SLC35F4: variants seen among roughly 807,000 people sequenced by gnomAD.
The protein encoded by SLC35F4 is chromosome 14 open reading frame 36.
A neutral mutation model predicts 44.2 loss-of-function variants in SLC35F4; 24 were observed. That is an observed-to-expected ratio of 0.54 (90% CI 0.39 to 0.76). SLC35F4 has a LOEUF of 0.76. Among genes scored for constraint, SLC35F4 ranks in the 30% least tolerant of loss-of-function variants. The pLI is 0.00. For missense variants in SLC35F4, 562 were observed against 586.1 expected (o/e 0.96, Z 0.42); for synonymous variants, 238 against 223.6 (o/e 1.06, Z -0.57).
intron 1 of SLC35F4, among the ~76,000 whole-genome samples, chr14:57,845,130 A>G (rs530203705): frequency 6.6e-6 from 1 of 152,336 alleles, no homozygotes; most frequent in South Asian, 2.1e-4. Flanking sequence ...GTGAAAGTTT[A>G]TTACCATCCT....
chr14:57,982,674 A>C (rs1368706065), upstream of SLC35F4, among the ~76,000 whole-genome samples: 18 of 152,106 alleles, frequency 1.2e-4, no homozygotes, highest in Non-Finnish European at 4.4e-5. Context: ...GGGGTCGTTA[A>C]ATCTCACAGC....
intron 1 of SLC35F4, among the ~76,000 whole-genome samples, chr14:57,814,346 C>G (rs777605778): frequency 6.6e-6 from 1 of 152,192 alleles, no homozygotes; most frequent in Non-Finnish European, 1.5e-5. Flanking sequence ...TTTCTCTGCT[C>G]TAAGTTTAAG....
intron 1 of SLC35F4, among the ~76,000 whole-genome samples, chr14:57,823,951 C>T (rs1246290240): frequency 6.6e-6 from 1 of 152,036 alleles, no homozygotes; most frequent in Non-Finnish European, 1.5e-5. Context: ...TAAGATTTGT[C>T]TCTACCTTGT....
intron 1 of SLC35F4, among the ~76,000 whole-genome samples, chr14:57,693,572 C>T (rs2075294820): frequency 6.6e-6 from 1 of 152,190 alleles, no homozygotes; most frequent in Non-Finnish European, 1.5e-5. Flanking sequence ...CCCTTTGTTT[C>T]CTGTAAGGAA....
At chr14:57,656,879 G>T (rs1314865299) in intron 1 of SLC35F4, among the ~76,000 whole-genome samples, 1 of 152,000 alleles carries the variant, frequency 6.6e-6, no homozygotes. Flanking sequence ...GTGATATTCT[G>T]AGTGTAAATA....
chr14:57,947,968 G>C (rs1030328870), intron 1 of SLC35F4, among the ~76,000 whole-genome samples: 1 of 152,110 alleles, frequency 6.6e-6, no homozygotes, highest in Non-Finnish European at 1.5e-5. Flanking sequence ...GTTCATCAGA[G>C]GTATTGGTCT....
At chr14:57,587,559 G>A (rs1374565596) in intron 3 of SLC35F4, among the ~76,000 whole-genome samples, 1 of 152,180 alleles carries the variant, frequency 6.6e-6, no homozygotes, top group African/African-American at 2.4e-5. Context: ...TCATTAGTGG[G>A]AGTTGAACAA....
At chr14:57,952,808 T>A (rs1404244506) in intron 1 of SLC35F4, among the ~76,000 whole-genome samples, 1 of 151,992 alleles carries the variant, frequency 6.6e-6, no homozygotes, top group Admixed American at 6.6e-5. Context: ...AAATCAACGT[T>A]TGATTAGTGC....
chr14:57,940,370 C>T (rs779389136), intron 1 of SLC35F4, among the ~76,000 whole-genome samples: 3 of 152,062 alleles, frequency 2.0e-5, no homozygotes, highest in Non-Finnish European at 4.4e-5. Context: ...AAAAACAATC[C>T]TAAAAAATAG....
Position 57,730,250 on chromosome 14 carries a change from T to C in SLC35F4, c.103+135473A>G, listed in dbSNP as rs147096597. On this transcript the variant is annotated intron_variant, in intron 1 of 7. Transcript: ENST00000556826. ...TGCAGATAGTTGTTAAAATTTGGTG[T>C]TCCCGCAGGGGACAGGAAGTATGTA... Among the ~76,000 whole-genome samples, 303 of 152,286 alleles carry C rather than the reference T, an allele frequency of 2.0e-3. 3 individuals carry two copies. Among genetic ancestry groups the C allele is most frequent in the African/African-American group, 7.1e-3 (294 of 41,568 alleles).
At chr14:57,723,155 A>C (rs1184592977) in intron 1 of SLC35F4, among the ~76,000 whole-genome samples, 3 of 152,134 alleles carry the variant, frequency 2.0e-5, no homozygotes, top group Non-Finnish European at 2.9e-5. Flanking sequence ...TCAGGTAATT[A>C]ATGGAGTTTT....
At chr14:57,976,476 T>A (rs1480781165), downstream of SLC35F4, among the ~76,000 whole-genome samples, 1 of 152,188 alleles carries the variant, frequency 6.6e-6, no homozygotes, top group Non-Finnish European at 1.5e-5. Context: ...CTGAAACTGT[T>A]CCCACACCTA....
intron 1 of SLC35F4, among the ~76,000 whole-genome samples, chr14:57,776,567 G>A (rs1369282755): frequency 1.3e-5 from 2 of 150,458 alleles, no homozygotes; most frequent in Admixed American, 6.7e-5. Context: ...TTGGGAGGCT[G>A]AGGTCAGAGA....
At chr14:57,634,408 T>C (rs936019430) in intron 1 of SLC35F4, among the ~76,000 whole-genome samples, 3 of 152,136 alleles carry the variant, frequency 2.0e-5, no homozygotes, top group East Asian at 1.9e-4. Flanking sequence ...TGTTCAGTCA[T>C]GTAAACACAT....
At chr14:57,612,785 A>G (rs1389757582) in intron 1 of SLC35F4, among the ~76,000 whole-genome samples, 1 of 152,242 alleles carries the variant, frequency 6.6e-6, no homozygotes, top group African/African-American at 2.4e-5. Context: ...TAAGTGACTA[A>G]ATGAATAAAT....
intron 1 of SLC35F4, among the ~76,000 whole-genome samples, chr14:57,827,348 C>G (rs936014056): frequency 6.6e-6 from 1 of 151,882 alleles, no homozygotes; most frequent in Non-Finnish European, 1.5e-5. Context: ...GGACCTTTCA[C>G]GGGAGCTGGG....
intron 1 of SLC35F4, among the ~76,000 whole-genome samples, chr14:57,670,902 C>CAT (rs2074495258): frequency 9.3e-6 from 1 of 107,362 alleles, no homozygotes; most frequent in East Asian, 2.8e-4. Flanking sequence ...CTCATTCATT[C>CAT]TTTTTTTTTT....
At chr14:57,745,558 G>A (rs1401177377) in intron 1 of SLC35F4, among the ~76,000 whole-genome samples, 3 of 152,156 alleles carry the variant, frequency 2.0e-5, no homozygotes, top group African/African-American at 7.2e-5. Context: ...CAGTTAGAAT[G>A]GCGATCATTA....
chr14:57,657,911 C>G (rs2074018434), intron 1 of SLC35F4, among the ~76,000 whole-genome samples: 1 of 152,176 alleles, frequency 6.6e-6, no homozygotes, highest in Non-Finnish European at 1.5e-5. Flanking sequence ...TGGTAAGTTA[C>G]TGTGTCACTT....
Sources: gnomAD v4.1 joint callset for allele counts (sites outside exome capture counted in the v4.1 genomes callset) on GRCh38, gnomAD v4.1.1 for gene constraint, MANE v1.5 for transcripts, NCBI Gene and HGNC (gene_info 2026-07-23, HGNC 2026-07-21) for gene names.